Variants in FBXL17 observed in about 807,000 individuals in gnomAD.
The protein encoded by FBXL17 is F-box and leucine rich repeat protein 17, also known as F-box/LRR-repeat protein 17.
Under a neutral mutation model 66.2 loss-of-function variants are expected in FBXL17, and 22 were observed. The observed-to-expected ratio is 0.33, with a 90% confidence interval of 0.24 to 0.47. The LOEUF (loss-of-function observed/expected upper bound fraction) is 0.47, where lower values mean the gene tolerates loss of function less well. Ranked by LOEUF, FBXL17 falls within the 20% of genes least tolerant of loss-of-function variation. The pLI is 1.00. For synonymous variants in FBXL17, 474 were observed against 400.5 expected (o/e 1.18, Z -2.19); for missense variants, 878 against 948.2 (o/e 0.93, Z 0.97).
intron 8 of FBXL17, among the ~76,000 whole-genome samples, chr5:107,864,859 A>T (rs978114296): frequency 2.0e-5 from 3 of 152,228 alleles, no homozygotes; most frequent in African/African-American, 7.2e-5. Flanking sequence ...CTATTCCTTT[A>T]TAGTAATACA....
chr5:108,318,442 T>TA (rs1317533348), intron 4 of FBXL17, among the ~76,000 whole-genome samples: 1 of 151,756 alleles, frequency 6.6e-6, no homozygotes, highest in Non-Finnish European at 1.5e-5. Flanking sequence ...CCAATACTGT[T>TA]AAAAAACATG....
intron 6 of FBXL17, among the ~76,000 whole-genome samples, chr5:108,134,693 T>C (rs1013411500): frequency 2.0e-5 from 3 of 152,148 alleles, no homozygotes; most frequent in African/African-American, 7.2e-5. Flanking sequence ...AGTAGAACAT[T>C]TGAAAACCAT....
intron 5 of FBXL17, among the ~76,000 whole-genome samples, chr5:108,196,235 C>CAA (rs57735019): frequency 1.0e-4 from 15 of 144,952 alleles, no homozygotes; most frequent in South Asian, 4.4e-4. Flanking sequence ...ACAAAACAAA[C>CAA]AAAAAAAAAA....
chr5:108,111,343 T>C (rs1750025509), intron 6 of FBXL17, among the ~76,000 whole-genome samples: 1 of 152,208 alleles, frequency 6.6e-6, no homozygotes, highest in African/African-American at 2.4e-5. Context: ...AAAACAAGAC[T>C]ATATAACTTA....
chr5:108,098,284 T>C (rs1022508044), intron 6 of FBXL17, among the ~76,000 whole-genome samples: 3 of 152,146 alleles, frequency 2.0e-5, no homozygotes, highest in Admixed American at 6.5e-5. Flanking sequence ...GAAGGGTAGC[T>C]TGAACTCAGA....
chr5:108,315,525 T>A (rs1580801451), intron 4 of FBXL17, among the ~76,000 whole-genome samples: 1 of 151,496 alleles, frequency 6.6e-6, no homozygotes, highest in East Asian at 1.9e-4. Flanking sequence ...TTTATAATTT[T>A]AACCCAATCT....
At position 108,306,069 on chromosome 5, in the gene FBXL17, T is replaced by C. The variant is rs141843735; in HGVS notation, c.1506+42330A>G. 3.1e-4 allele frequency among the ~76,000 whole-genome samples: 47 copies of C among 152,220 alleles called. 1 individual carries two copies. Among genetic ancestry groups the C allele is most frequent in the African/African-American group, 1.1e-3 (47 of 41,572 alleles). On this transcript the variant is annotated intron_variant, in intron 4 of 8. Coordinates refer to ENST00000542267, the MANE Select transcript of FBXL17 (RefSeq NM_001163315.3). ...TGTTACATTTGGATTTTTAATCTTA[T>C]CCACACCTGTTTACATAAATGGAAG...
chr5:107,870,565 G>C (rs951192135), intron 8 of FBXL17, among the ~76,000 whole-genome samples: 1 of 151,904 alleles, frequency 6.6e-6, no homozygotes, highest in Non-Finnish European at 1.5e-5. Flanking sequence ...GGAAGGAGAG[G>C]GTACTCACGA....
chr5:108,153,139 T>C (rs113583804), intron 6 of FBXL17, among the ~76,000 whole-genome samples: 4,338 of 152,314 alleles, frequency 0.028, 196 homozygotes, highest in African/African-American at 0.098. Flanking sequence ...CCCAGCCATG[T>C]GGAACTGTGA....
At chr5:108,050,977 G>A (rs1380357078) in intron 6 of FBXL17, among the ~76,000 whole-genome samples, 1 of 152,078 alleles carries the variant, frequency 6.6e-6, no homozygotes, top group Non-Finnish European at 1.5e-5. Flanking sequence ...AAATAAACTA[G>A]AAAATCTAGA....
intron 4 of FBXL17, among the ~76,000 whole-genome samples, chr5:108,326,443 T>TAA (rs148425904): frequency 6.8e-6 from 1 of 146,882 alleles, no homozygotes; most frequent in African/African-American, 2.5e-5. Flanking sequence ...AAATAAAAAT[T>TAA]AAAAAAAAAA....
At chr5:108,020,683 T>C (rs1214572835) in intron 7 of FBXL17, 14 of 316,976 alleles carry the variant, frequency 4.4e-5, no homozygotes, top group Non-Finnish European at 7.6e-5. Flanking sequence ...AGTGTGTGTG[T>C]GCAAACATAC....
At chr5:108,163,233 C>A (rs1339412152) in intron 6 of FBXL17, among the ~76,000 whole-genome samples, 3 of 152,004 alleles carry the variant, frequency 2.0e-5, no homozygotes, top group Non-Finnish European at 2.9e-5. Context: ...AACCTCTATT[C>A]CTTTATATTC....
rs993954240 is a variant in FBXL17, at chr5:108,380,988, C to T, written c.704G>A (p.Gly235Glu). The change falls in exon 1 of 9, where the codon GGA becomes GAA. Residue 235 changes from glycine to glutamate, a missense_variant. Transcript: ENST00000542267. ...GGGGGGCCGGGGCGGCGAAGCGCCT[C>T]CCCCCGCAGGCCCTCCCCCGCCACC... ...GGGGGGGPAG[G>E]GASPPRPPDA... 2.1e-5 allele frequency: 26 copies of T among 1,209,744 alleles called. No homozygotes were observed. Among genetic ancestry groups the T allele is most frequent in the African/African-American group, 3.2e-5 (2 of 63,204 alleles). The allele number at this position is 1,209,744 out of a possible 1,614,324, so 74.9% of individuals were successfully genotyped here.
chr5:108,224,677 C>T (rs577537172), intron 4 of FBXL17, among the ~76,000 whole-genome samples: 9 of 152,086 alleles, frequency 5.9e-5, no homozygotes, highest in African/African-American at 1.2e-4. Flanking sequence ...CTGCAACCTC[C>T]GCCTCCCAGG....
intron 7 of FBXL17, among the ~76,000 whole-genome samples, chr5:107,909,004 C>T (rs1196097731): frequency 6.6e-6 from 1 of 152,064 alleles, no homozygotes; most frequent in African/African-American, 2.4e-5. Flanking sequence ...AGATTGTGCC[C>T]CATCTTAACT....
intron 7 of FBXL17, among the ~76,000 whole-genome samples, chr5:107,916,400 C>A (rs1024487049): frequency 6.6e-6 from 1 of 152,002 alleles, no homozygotes; most frequent in African/African-American, 2.4e-5. Flanking sequence ...GGAGGGCTAC[C>A]CCATGTACTC....
At chr5:108,359,061 A>T (rs1317448643) in intron 3 of FBXL17, among the ~76,000 whole-genome samples, 1 of 151,636 alleles carries the variant, frequency 6.6e-6, no homozygotes, top group Admixed American at 6.6e-5. Flanking sequence ...ATTTCTAGAA[A>T]TTTTTCCATT....
intron 6 of FBXL17, among the ~76,000 whole-genome samples, chr5:108,043,329 CT>C (rs1026419308): frequency 9.2e-5 from 14 of 152,162 alleles, no homozygotes; most frequent in African/African-American, 1.9e-4. Flanking sequence ...TTTTCCCCCC[CT>C]AGGTTTCTTT....
Sources: allele counts gnomAD v4.1 joint callset (sites outside exome capture counted in the v4.1 genomes callset), GRCh38; gene constraint gnomAD v4.1.1; transcripts MANE v1.5; gene names NCBI Gene and HGNC (gene_info 2026-07-23, HGNC 2026-07-21).